Variants in NCAPD3 observed in about 807,000 individuals in gnomAD.
NCAPD3 encodes the protein condensin-2 complex subunit D3.
Under a neutral mutation model 182.9 loss-of-function variants are expected in NCAPD3, and 105 were observed. The ratio of observed to expected loss-of-function variants is 0.57; its 90% CI spans 0.49 to 0.68. NCAPD3 has a LOEUF of 0.68. NCAPD3 is among the 30% of genes least tolerant of loss of function. The probability of loss-of-function intolerance (pLI) is 0.00; values close to 1 mark genes in which losing one functional copy is unlikely to be tolerated. For missense variants in NCAPD3, 1,944 were observed against 1,837.0 expected, an observed-to-expected ratio of 1.06 and a Z score of -1.07; for synonymous variants, 815 against 679.9, an observed-to-expected ratio of 1.20 and a Z score of -3.09.
At chr11:134,167,138 G>A (rs1274657199) in intron 27 of NCAPD3, among the ~76,000 whole-genome samples, 2 of 138,708 alleles carry the variant, frequency 1.4e-5, no homozygotes, top group Admixed American at 1.4e-4. Flanking sequence ...ATGAGCTTGG[G>A]GGAGGGGCAC....
intron 8 of NCAPD3, among the ~76,000 whole-genome samples, 158 bp from the exon 9 acceptor site, chr11:134,205,129 A>G (rs1944824152): frequency 6.6e-6 from 1 of 152,260 alleles, no homozygotes; most frequent in African/African-American, 2.4e-5. Flanking sequence ...ATAAAATGTC[A>G]TCGTAGAAAA....
Position 134,152,881 on chromosome 11 carries a change from G to T in NCAPD3, c.*63C>A. 1 of 1,306,870 alleles carries T rather than the reference G, an allele frequency of 7.7e-7. No homozygotes were observed. Among genetic ancestry groups the T allele is most frequent in the Non-Finnish European group, 1.1e-6 (1 of 945,590 alleles). 81.0% of individuals were successfully genotyped at this position (1,306,870 alleles called of 1,614,324 possible). A position where few individuals can be genotyped will look rare whatever the true frequency, so the allele number is the denominator to read the frequency against. On this transcript the variant is annotated 3_prime_UTR_variant, in exon 35 of 35. Coordinates refer to ENST00000534548, the MANE Select transcript of NCAPD3 (RefSeq NM_015261.3). ...GGAAGTGATCCAGCTGCCTTCACAC[G>T]GAGGACACGAGACTGCTTCCTCAAG...
At chr11:134,225,287 G>A, upstream of NCAPD3, 2 of 1,614,126 alleles carry the variant, frequency 1.2e-6, no homozygotes, top group Non-Finnish European at 1.7e-6. Context: ...TTGCCCTCAA[G>A]AACCCCAACA....
intron 7 of NCAPD3, among the ~76,000 whole-genome samples, chr11:134,207,405 A>G (rs1937640397): frequency 6.6e-6 from 1 of 152,182 alleles, no homozygotes; most frequent in Non-Finnish European, 1.5e-5. Context: ...ATTAAAAATA[A>G]GGCTAAAAAC....
At chr11:134,194,595 TA>T (rs1944587759) in intron 14 of NCAPD3, 69 bp downstream of exon 14, 11 of 1,152,032 alleles carry the variant, frequency 9.5e-6, no homozygotes, top group Non-Finnish European at 1.4e-5. Flanking sequence ...CCTAAGAGTT[TA>T]AAAAATATTC....
Position 134,204,121 on chromosome 11 carries a change from C to T in NCAPD3, c.1140G>A (p.Gln380=). The change falls in exon 10 of 35, where the codon CAG becomes CAA. Residue 380 remains glutamine, a synonymous_variant. Transcript: ENST00000534548. This position sits in a 1 kb window ranked among gnomAD's most constrained non-coding sequence, Gnocchi z 4.3. ...YRTFAAQSLV[Q]LLSKLPCGEY... The stretch of plus-strand genomic sequence containing the variant: ...CCCCACAAGGAAGTTTACTGAGCAG[C>T]TGGACTAGGGACTGGGCTGCAAAAG... 1 of 1,614,068 alleles carries T rather than the reference C, an allele frequency of 6.2e-7. No individual in the cohort carries two copies. Among genetic ancestry groups the T allele is most frequent in the South Asian group, 1.1e-5 (1 of 91,078 alleles).
chr11:134,189,382 G>A (rs1411228493), intron 16 of NCAPD3, among the ~76,000 whole-genome samples: 1 of 152,022 alleles, frequency 6.6e-6, no homozygotes, highest in Non-Finnish European at 1.5e-5. Context: ...TAGCTCATCA[G>A]TTTTCAGTCC....
chr11:134,185,662 T>C, intron 16 of NCAPD3, 136 bp from the exon 17 acceptor site: 3 of 594,168 alleles, frequency 5.0e-6, no homozygotes, highest in Non-Finnish European at 8.2e-6. Context: ...TATGTAGACG[T>C]TCCTAATTAG....
At chr11:134,177,740 G>C (rs1944205153) in intron 22 of NCAPD3, 1 of 409,104 alleles carries the variant, frequency 2.4e-6, no homozygotes, top group Non-Finnish European at 4.4e-6. Context: ...GAATTTCGCA[G>C]TTATCCCCTT....
In NCAPD3 at chr11:134,158,504, G is replaced by A. The variant is rs930240426; in HGVS notation, c.3868-9C>T. The A allele has an allele frequency of 6.2e-7, 1 of 1,611,506 alleles. No individual in the cohort carries two copies. On this transcript the variant is annotated splice_polypyrimidine_tract_variant and intron_variant, in intron 29 of 34. Transcript: ENST00000534548. ...TCTAAACACAGGGCAACCTGGTAGA[G>A]AAGATAAAGAGTATGTACATTCTAA... is the stretch of plus-strand genomic sequence containing the variant.
At chr11:134,220,842 T>A in intron 1 of NCAPD3, 116 bp from the exon 2 acceptor site, 1 of 962,992 alleles carries the variant, frequency 1.0e-6, no homozygotes, top group Non-Finnish European at 1.5e-6. Flanking sequence ...GATTCACATT[T>A]AACTTGTTTT....
chr11:134,160,041 C>T lies in NCAPD3; in HGVS notation c.3718G>A (p.Asp1240Asn). Residue 1240 changes from aspartate to asparagine, a missense_variant, in exon 29 of 35, where the codon GAC becomes AAC. Asp to Asn is a conservative substitution (Grantham distance 23, BLOSUM62 1). Transcript: ENST00000534548. ...AGCTGTTTGTCAACTGCAAAGAAGT[C>T]CTTGAGCTCATCTCGGTAATCCTGC... Reference protein sequence around the residue: ...VMQDYRDELKDFFAVDKQLAS... With the variant: ...VMQDYRDELKNFFAVDKQLAS... 1 of 1,614,156 alleles carries T rather than the reference C, an allele frequency of 6.2e-7. No individual in the cohort carries two copies. The highest frequency in any genetic ancestry group is 8.5e-7 in the Non-Finnish European group (1 of 1,180,034).
At chr11:134,170,115 G>T (rs368275925) in intron 24 of NCAPD3, among the ~76,000 whole-genome samples, 182 of 152,252 alleles carry the variant, frequency 1.2e-3, no homozygotes, top group African/African-American at 4.3e-3. Context: ...ATCAGAGAAG[G>T]TAGATGAGAA....
intron 28 of NCAPD3, among the ~76,000 whole-genome samples, chr11:134,160,929 G>C (rs1029080513): frequency 6.6e-6 from 1 of 151,298 alleles, no homozygotes; most frequent in African/African-American, 2.4e-5. Flanking sequence ...GTCTATGTAG[G>C]ATCAAAGCTC....
chr11:134,223,351 C>G (rs1938311400), intron 1 of NCAPD3: 1 of 691,272 alleles, frequency 1.4e-6, no homozygotes, highest in African/African-American at 1.8e-5. Context: ...TGGTAGTGGG[C>G]ATGAAAGGGG....
chr11:134,154,874 T>C lies in NCAPD3; in HGVS notation c.4253-1511A>G, dbSNP rs574810349. Reference sequence around the variant, plus strand: ...CCGATGGCTACTTGAGTGTCACTAATAGACGATGGTAGAGAATTCCTCATC... The same window carrying C: ...CCGATGGCTACTTGAGTGTCACTAACAGACGATGGTAGAGAATTCCTCATC... On this transcript the variant is annotated intron_variant, in intron 32 of 34. Transcript: ENST00000534548. Among the ~76,000 whole-genome samples the C allele has an allele frequency of 2.6e-5, 4 of 152,344 alleles. No homozygotes were observed. In the South Asian group the frequency reaches 6.2e-4, roughly 24 times the overall value.
intron 24 of NCAPD3, among the ~76,000 whole-genome samples, 179 bp downstream of exon 24, chr11:134,176,128 T>G (rs1042094389): frequency 1.3e-5 from 2 of 152,178 alleles, no homozygotes; most frequent in African/African-American, 4.8e-5. Flanking sequence ...TAAACTTGTG[T>G]GCAAAACAAA....
Position 134,157,992 on chromosome 11 carries a change from A to T in NCAPD3, c.4110T>A (p.Ser1370Arg), listed in dbSNP as rs554571220. The T allele has an allele frequency of 3.2e-5, 51 of 1,613,984 alleles. No individual in the cohort carries two copies. In the South Asian group the frequency reaches 5.2e-4, roughly 16 times the overall value. Residue 1370 changes from serine (S) to arginine (R), a missense_variant, in exon 31 of 35, where the codon AGT becomes AGA. Ser to Arg is a moderately radical substitution (Grantham distance 110). This residue lies in a region of NCAPD3 where 1,803 missense variants were observed against 1,674.6 expected (regional missense o/e 1.08). Coordinates refer to ENST00000534548, the MANE Select transcript of NCAPD3 (RefSeq NM_015261.3). ...TGAAAGGCAGCACTCCTAAGCTCCG[A>T]CTCCGATGCCTGCTCTTTGACTCCA... ...KAVESKSRHR[S>R]RSLGVLPFTL...
intron 18 of NCAPD3, 55 bp downstream of exon 18, chr11:134,184,847 AC>A (rs1944369387): frequency 2.9e-6 from 4 of 1,391,572 alleles, no homozygotes; most frequent in Non-Finnish European, 4.1e-6. Flanking sequence ...ACACACACAC[AC>A]ACCTGAAATG....
Sources: allele counts gnomAD v4.1 joint callset (sites outside exome capture counted in the v4.1 genomes callset), GRCh38; gene constraint gnomAD v4.1.1; regional missense constraint gnomAD v4.1.1; non-coding constraint Gnocchi (gnomAD v3.1); transcripts MANE v1.5; gene names NCBI Gene and HGNC (gene_info 2026-07-23, HGNC 2026-07-21).